The following PRKCZ variants were observed in gnomAD, a reference collection of about 807,000 sequenced individuals.
PRKCZ encodes protein kinase C zeta type.
In PRKCZ, 33 loss-of-function variants were observed where a neutral mutation model predicts 79.5. The observed-to-expected ratio is 0.41, with a 90% CI of 0.31 to 0.55. The LOEUF is 0.55. Among genes scored for constraint, PRKCZ ranks in the 20% least tolerant of loss-of-function variants. PRKCZ has a pLI of 0.19. For synonymous variants in PRKCZ, 342 were observed against 320.9 expected, an observed-to-expected ratio of 1.07 and a Z score of -0.70; for missense variants, 578 against 813.5, an observed-to-expected ratio of 0.71 and a Z score of 3.52.
intron 5 of PRKCZ, among the ~76,000 whole-genome samples, chr1:2,135,837 G>C (rs1489607790): frequency 6.6e-6 from 1 of 152,350 alleles, no homozygotes; most frequent in South Asian, 2.1e-4. Flanking sequence ...AGGACACTTA[G>C]CTTATTTTCC....
At chr1:2,169,423 T>G in intron 10 of PRKCZ, 95 bp from the exon 11 acceptor site, 1 of 1,050,970 alleles carries the variant, frequency 9.5e-7, no homozygotes, top group East Asian at 2.7e-5. Context: ...TGCGGGAGGG[T>G]TCGGGCCCAC....
rs1662310633 is a variant in PRKCZ, at chr1:2,075,871, CGT to C, written c.334+16287_334+16288del. ...AGTTCCCGTGCTTGTGACCTGCTCTCGTGTGTGTAGCAGCGGGGGCTGCGTCT... is the reference window on the plus strand; with the variant it reads ...AGTTCCCGTGCTTGTGACCTGCTCTCGTGTGTAGCAGCGGGGGCTGCGTCT... On this transcript the variant is annotated intron_variant, in intron 4 of 17. Transcript: ENST00000378567. This position sits in a 1 kb window ranked among gnomAD's most constrained non-coding sequence, Gnocchi z 4.8. Among the ~76,000 whole-genome samples the C allele has an allele frequency of 6.6e-6, 1 of 152,232 alleles. No homozygotes were observed.
At chr1:2,175,338 C>A in intron 16 of PRKCZ, 25 bp downstream of exon 16, 1 of 1,585,904 alleles carries the variant, frequency 6.3e-7, no homozygotes, top group Non-Finnish European at 8.6e-7. Context: ...AGCCTATTTG[C>A]ACCCCCATCC....
chr1:2,059,522 CTT>C lies in PRKCZ; in HGVS notation c.284-17_284-16del, dbSNP rs780662690. On this transcript the variant is annotated splice_polypyrimidine_tract_variant and intron_variant, in intron 3 of 17. Transcript: ENST00000378567. ...CAGCCGCAGGGTCTTGACGCTGTCTCTTTCTCTCTCTTGTCCAGTTTTCCCGA... is the reference window on the plus strand; with the variant it reads ...CAGCCGCAGGGTCTTGACGCTGTCTCTCTCTCTCTTGTCCAGTTTTCCCGA... 3.1e-6 allele frequency: 5 copies of C among 1,613,972 alleles called. No individual in the cohort carries two copies. The African/African-American group carries it at 6.7e-5, about 22-fold the overall frequency.
chr1:2,144,438 T>C, intron 6 of PRKCZ, 97 bp downstream of exon 6: 4 of 1,501,160 alleles, frequency 2.7e-6, no homozygotes, highest in Non-Finnish European at 3.6e-6. Context: ...CCCTGGGTTC[T>C]TCAAGAGGGG....
At chr1:2,051,519 G>T (rs1037658770) in intron 1 of PRKCZ, among the ~76,000 whole-genome samples, 1 of 152,234 alleles carries the variant, frequency 6.6e-6, no homozygotes, top group African/African-American at 2.4e-5. Flanking sequence ...GCTCCCGCGA[G>T]GGTGGCTGCT....
Position 2,082,178 on chromosome 1 carries a change from CA to C in PRKCZ, c.334+22588del, listed in dbSNP as rs1159992551. The stretch of plus-strand genomic sequence containing the variant: ...CTGGACGCGTCAGACGGGTTCTTTG[CA>C]GCCCTTGGCAGCGTCGCCCGCTCTG... On this transcript the variant is annotated intron_variant, in intron 4 of 17. Coordinates refer to ENST00000378567, the MANE Select transcript of PRKCZ (RefSeq NM_002744.6). The surrounding 1 kb of genome is among the most constrained non-coding windows in gnomAD (Gnocchi z 4.4). The C allele has an allele frequency of 8.6e-6, 3 of 347,304 alleles. No homozygotes were observed. Among genetic ancestry groups the C allele is most frequent in the South Asian group, 6.4e-5 (3 of 46,670 alleles). 21.5% of individuals were successfully genotyped at this position (347,304 alleles called of 1,614,324 possible). A position where few individuals can be genotyped will look rare whatever the true frequency, so the allele number is the denominator to read the frequency against.
intron 4 of PRKCZ, among the ~76,000 whole-genome samples, chr1:2,134,392 A>G (rs940001257): frequency 4.6e-5 from 7 of 152,188 alleles, no homozygotes; most frequent in African/African-American, 1.7e-4. Context: ...TTATGATGGA[A>G]TTTTATAAAA....
At chr1:2,091,605 G>A (rs1665516693) in intron 4 of PRKCZ, among the ~76,000 whole-genome samples, 1 of 152,146 alleles carries the variant, frequency 6.6e-6, no homozygotes, top group South Asian at 2.1e-4. Flanking sequence ...CTCTCCCGGT[G>A]GTTGGTGATG....
At chr1:2,104,998 C>A in intron 4 of PRKCZ, 1 of 882,522 alleles carries the variant, frequency 1.1e-6, no homozygotes, top group Non-Finnish European at 1.4e-6. Context: ...GCTTGTTGAC[C>A]TTGATCTGTG....
At chr1:2,051,255 AC>A (rs1252314669) in intron 1 of PRKCZ, among the ~76,000 whole-genome samples, 1 of 151,816 alleles carries the variant, frequency 6.6e-6, no homozygotes, top group East Asian at 1.9e-4. Context: ...TTTGCGTCGC[AC>A]CCGCCCCCCG....
At chr1:2,158,798 G>A (rs1301128871) in intron 10 of PRKCZ, among the ~76,000 whole-genome samples, 1 of 152,180 alleles carries the variant, frequency 6.6e-6, no homozygotes, top group East Asian at 1.9e-4. Flanking sequence ...TCCCAGATGC[G>A]TAAACCTGAA....
At chr1:2,155,684 A>G (rs1680884448) in intron 9 of PRKCZ, among the ~76,000 whole-genome samples, 1 of 143,164 alleles carries the variant, frequency 7.0e-6, no homozygotes, top group Admixed American at 7.0e-5. Flanking sequence ...GGTGGGAGGG[A>G]TGGTGACAAT....
intron 4 of PRKCZ, among the ~76,000 whole-genome samples, chr1:2,130,947 G>A (rs1435424586): frequency 1.3e-5 from 2 of 151,640 alleles, no homozygotes; most frequent in African/African-American, 2.4e-5. Context: ...TGACACACTC[G>A]GTCTCCACAC....
intron 1 of PRKCZ, among the ~76,000 whole-genome samples, chr1:2,054,815 T>C (rs1015094808): frequency 2.0e-5 from 3 of 151,954 alleles, no homozygotes; most frequent in African/African-American, 7.3e-5. Context: ...CTTGAACGAG[T>C]GCCCGACCAG....
At chr1:2,170,901 G>T (rs544760425) in intron 11 of PRKCZ, among the ~76,000 whole-genome samples, 111 of 152,372 alleles carry the variant, frequency 7.3e-4, no homozygotes, top group Non-Finnish European at 1.4e-3. Context: ...CCCTCGGGGG[G>T]CACTTGAGTG....
chr1:2,099,717 C>G (rs890615712), intron 4 of PRKCZ, among the ~76,000 whole-genome samples: 1 of 152,164 alleles, frequency 6.6e-6, no homozygotes, highest in Admixed American at 6.5e-5. Context: ...GTGAGGGCCC[C>G]TCGGGAGCCC....
intron 4 of PRKCZ, among the ~76,000 whole-genome samples, chr1:2,061,730 C>T (rs768141642): frequency 1.1e-4 from 17 of 152,144 alleles, no homozygotes; most frequent in South Asian, 2.1e-4. Context: ...GGTTTCATGG[C>T]GCTAGTGTCA....
chr1:2,098,437 G>T (rs900353515), intron 4 of PRKCZ: 2 of 152,226 alleles, frequency 1.3e-5, no homozygotes, highest in African/African-American at 2.4e-5. Flanking sequence ...CCCGGCCCCA[G>T]CTTCAGCTCT....
Sources: gnomAD v4.1 joint callset for allele counts (sites outside exome capture counted in the v4.1 genomes callset) on GRCh38, gnomAD v4.1.1 for gene constraint, Gnocchi (gnomAD v3.1) non-coding constraint, MANE v1.5 for transcripts, NCBI Gene and HGNC (gene_info 2026-07-23, HGNC 2026-07-21) for gene names.